MAPKAPK5: variants seen among roughly 807,000 people sequenced by gnomAD.
MAPKAPK5 encodes the protein MAP kinase-activated protein kinase 5.
MAPKAPK5 carries 30 observed loss-of-function variants against 65.1 expected under a neutral mutation model. The ratio of observed to expected loss-of-function variants is 0.46; its 90% confidence interval spans 0.34 to 0.63. MAPKAPK5 has a LOEUF of 0.63. Among genes scored for constraint, MAPKAPK5 ranks in the 20% least tolerant of loss-of-function variants. The pLI is 0.01. For missense variants in MAPKAPK5, 433 were observed against 581.4 expected (o/e 0.74, Z 2.63); for synonymous variants, 179 against 204.6 (o/e 0.87, Z 1.07).
intron 10 of MAPKAPK5, 99 bp from the exon 11 acceptor site, chr12:111,888,389 C>T (rs759710936): frequency 5.4e-5 from 79 of 1,468,444 alleles, no homozygotes; most frequent in Non-Finnish European, 6.9e-5. Flanking sequence ...GTGAAATTAC[C>T]TTCTTAGTAC....
At position 111,901,560 on chromosome 12, in the gene MAPKAPK5, C is replaced by T. The variant is rs887703559; in HGVS notation, c.*8499C>T. The T allele has an allele frequency of 6.0e-6, 2 of 335,840 alleles. No homozygotes were observed. Among genetic ancestry groups the T allele is most frequent in the South Asian group, 5.1e-5 (2 of 39,106 alleles). 20.8% of individuals were successfully genotyped at this position (335,840 alleles called of 1,614,324 possible). The stretch of plus-strand genomic sequence containing the variant: ...AAAAAATCACCAGAGGCTGCCCCGG[C>T]AGAAGCTCCTCCAGCAGTGGCTCCA... On this transcript the variant is annotated 3_prime_UTR_variant, in exon 14 of 14. Transcript: ENST00000550735.
intron 1 of MAPKAPK5, among the ~76,000 whole-genome samples, chr12:111,846,477 C>CA (rs59317684): frequency 0.19 from 29,241 of 150,732 alleles, 3,053 homozygotes; most frequent in Middle Eastern, 0.27. Context: ...TTCCAGAAAT[C>CA]AATAATTCAT....
intron 2 of MAPKAPK5, among the ~76,000 whole-genome samples, chr12:111,865,834 CAAAAAAA>C (rs1157723498): frequency 1.7e-5 from 1 of 57,420 alleles, no homozygotes; most frequent in Admixed American, 1.7e-4. Context: ...GATTCTGTCT[CAAAAAAA>C]AAAAAAAAAA....
Position 111,901,330 on chromosome 12 carries a change from C to T in MAPKAPK5, c.*8269C>T. 2.2e-6 allele frequency: 1 copy of T among 456,020 alleles called. No individual in the cohort carries two copies. 28.2% of individuals were successfully genotyped at this position (456,020 alleles called of 1,614,324 possible). On this transcript the variant is annotated 3_prime_UTR_variant, in exon 14 of 14. Transcript: ENST00000550735. ...TGCCACTGTAATGAAGGGCATGCCC[C>T]CCCTGACTGTGTTACTGCAGGAAGT...
At position 111,898,291 on chromosome 12, in the gene MAPKAPK5, C is replaced by G. The variant is rs1335059199; in HGVS notation, c.*5230C>G. ...TCAAGCGATTCTCCTGCCTCACCTT[C>G]CTGAGTAGCTGAGATTACAGGCGCC... On this transcript the variant is annotated 3_prime_UTR_variant, in exon 14 of 14. Coordinates refer to ENST00000550735, the MANE Select transcript of MAPKAPK5 (RefSeq NM_003668.4). 1 of 152,048 alleles carries G rather than the reference C, an allele frequency of 6.6e-6. No homozygotes were observed. The allele number at this position is 152,048 out of a possible 1,614,324, so 9.4% of individuals were successfully genotyped here. A position where few individuals can be genotyped will look rare whatever the true frequency, so the allele number is the denominator to read the frequency against.
chr12:111,894,791 T>TGTGTGTGTGTGTGA lies in MAPKAPK5; in HGVS notation c.*1731_*1732insTGTGTGTGTGTGAG, dbSNP rs58268114. On this transcript the variant is annotated 3_prime_UTR_variant, in exon 14 of 14. Coordinates refer to ENST00000550735, the MANE Select transcript of MAPKAPK5 (RefSeq NM_003668.4). ...ATGTGTGTGTGTGTGTGTGTGTGTG[T>TGTGTGTGTGTGTGA]GAAGCAGTTTTTGGTGGGTACTTAC... 11 of 151,442 alleles carry TGTGTGTGTGTGTGA rather than the reference T, an allele frequency of 7.3e-5. No individual in the cohort carries two copies. Among genetic ancestry groups the TGTGTGTGTGTGTGA allele is most frequent in the African/African-American group, 2.7e-4 (11 of 41,028 alleles). The allele number at this position is 151,442 out of a possible 1,614,324, so 9.4% of individuals were successfully genotyped here. A position where few individuals can be genotyped will look rare whatever the true frequency, so the allele number is the denominator to read the frequency against.
chr12:111,843,260 C>T, intron 1 of MAPKAPK5: 1 of 398,668 alleles, frequency 2.5e-6, no homozygotes, highest in Non-Finnish European at 4.4e-6. Flanking sequence ...GTTGTCCTCA[C>T]TTTTCCGTGT....
intron 1 of MAPKAPK5, among the ~76,000 whole-genome samples, chr12:111,848,544 G>C (rs2068973804): frequency 6.6e-6 from 1 of 151,650 alleles, no homozygotes; most frequent in South Asian, 2.1e-4. Context: ...CTCCCGAGTA[G>C]CTGGGATTAC....
chr12:111,885,836 T>A, intron 9 of MAPKAPK5, 80 bp from the exon 10 acceptor site: 1 of 1,588,736 alleles, frequency 6.3e-7, no homozygotes, highest in Non-Finnish European at 8.6e-7. Context: ...ACCAGAACTG[T>A]TTAGAGCCAG....
rs2136048023 is a variant in MAPKAPK5 at position 111,842,700 on chromosome 12, T to C, written c.-34T>C. The C allele has an allele frequency of 7.3e-7, 1 of 1,365,208 alleles. No homozygotes were observed. Among genetic ancestry groups the C allele is most frequent in the Non-Finnish European group, 9.5e-7 (1 of 1,053,660 alleles). The allele number at this position is 1,365,208 out of a possible 1,614,324, so 84.6% of individuals were successfully genotyped here. A position where few individuals can be genotyped will look rare whatever the true frequency, so the allele number is the denominator to read the frequency against. ...GCGGGGACAGGGCTGCTGAGCAGCC[T>C]CCGCCTCTCCCGGCTGTGGGGGCCC... is the stretch of plus-strand genomic sequence containing the variant. On this transcript the variant is annotated 5_prime_UTR_variant, in exon 1 of 14. Coordinates refer to ENST00000550735, the MANE Select transcript of MAPKAPK5 (RefSeq NM_003668.4).
Position 111,893,106 on chromosome 12 carries a change from C to A in MAPKAPK5, c.*45C>A. 7.6e-7 allele frequency: 1 copy of A among 1,311,014 alleles called. No homozygotes were observed. Among genetic ancestry groups the A allele is most frequent in the Non-Finnish European group, 1.1e-6 (1 of 948,638 alleles). 81.2% of individuals were successfully genotyped at this position (1,311,014 alleles called of 1,614,324 possible). On this transcript the variant is annotated 3_prime_UTR_variant, in exon 14 of 14. Transcript: ENST00000550735. ...TTTTTTAACAATTTGAAAAATTATT[C>A]TTTAATGTATAAAGTAATTTTATGT...
intron 7 of MAPKAPK5, among the ~76,000 whole-genome samples, chr12:111,878,335 G>A (rs925966081): frequency 1.3e-4 from 19 of 151,946 alleles, no homozygotes; most frequent in African/African-American, 3.9e-4. Flanking sequence ...AATGCATGAG[G>A]TATGGATCCA....
At chr12:111,880,151 C>T (rs1319533025) in intron 7 of MAPKAPK5, 3 of 422,734 alleles carry the variant, frequency 7.1e-6, no homozygotes, top group Non-Finnish European at 1.3e-5. Flanking sequence ...GGCATAAGGG[C>T]TATCCCCAGG....
At chr12:111,861,520 G>T (rs2069435787) in intron 1 of MAPKAPK5, among the ~76,000 whole-genome samples, 1 of 151,990 alleles carries the variant, frequency 6.6e-6, no homozygotes, top group African/African-American at 2.4e-5. Flanking sequence ...TAGAGATGGG[G>T]TTTCACCATG....
In MAPKAPK5 at chr12:111,901,505, A is replaced by T. The variant is rs1303097660; in HGVS notation, c.*8444A>T. The T allele has an allele frequency of 2.5e-6, 1 of 401,034 alleles. No individual in the cohort carries two copies. The highest frequency in any genetic ancestry group is 2.1e-5 in the African/African-American group (1 of 48,250). The allele number at this position is 401,034 out of a possible 1,614,324, so 24.8% of individuals were successfully genotyped here. A position where few individuals can be genotyped will look rare whatever the true frequency, so the allele number is the denominator to read the frequency against. ...TCATTATACTTTTTATAATATTATT[A>T]TTAAGTACAATTATTTGATCTGCTT... On this transcript the variant is annotated 3_prime_UTR_variant, in exon 14 of 14. Coordinates refer to ENST00000550735, the MANE Select transcript of MAPKAPK5 (RefSeq NM_003668.4).
At chr12:111,852,425 A>G (rs1262220889) in intron 1 of MAPKAPK5, among the ~76,000 whole-genome samples, 4 of 152,186 alleles carry the variant, frequency 2.6e-5, no homozygotes, top group African/African-American at 4.8e-5. Flanking sequence ...CACTTAATGA[A>G]TAGCAAATAT....
At chr12:111,862,670 C>T (rs564132796) in intron 1 of MAPKAPK5, among the ~76,000 whole-genome samples, 2 of 151,990 alleles carry the variant, frequency 1.3e-5, no homozygotes, top group Admixed American at 6.6e-5. Flanking sequence ...CCAGCCTGGG[C>T]GACAGAGCAA....
intron 1 of MAPKAPK5, among the ~76,000 whole-genome samples, chr12:111,858,925 CT>C (rs2136090519): frequency 6.8e-6 from 1 of 147,808 alleles, no homozygotes; most frequent in South Asian, 2.2e-4. Context: ...TTCATTTTTT[CT>C]GTTTCTCGGC....
chr12:111,848,306 T>C (rs943121312), intron 1 of MAPKAPK5, among the ~76,000 whole-genome samples: 1 of 152,206 alleles, frequency 6.6e-6, no homozygotes, highest in African/African-American at 2.4e-5. Flanking sequence ...ATTATGCTTT[T>C]AATTTGCATT....
Sources: allele counts gnomAD v4.1 joint callset (sites outside exome capture counted in the v4.1 genomes callset), GRCh38; gene constraint gnomAD v4.1.1; transcripts MANE v1.5; gene names NCBI Gene and HGNC (gene_info 2026-07-23, HGNC 2026-07-21).